NAA11: variants seen among roughly 807,000 people sequenced by gnomAD.
The protein encoded by NAA11 is N-alpha-acetyltransferase 11.
Under a neutral mutation model 16.1 loss-of-function variants are expected in NAA11, and 15 were observed. The observed-to-expected ratio is 0.93, with a 90% CI of 0.62 to 1.44. NAA11 has a LOEUF of 1.44. Among genes scored for constraint, NAA11 ranks in the 40% most tolerant of loss-of-function variants. The pLI, the probability that NAA11 is intolerant of heterozygous loss-of-function variation, is 0.00. For missense variants in NAA11, 298 were observed against 291.3 expected (o/e 1.02, Z -0.17); for synonymous variants, 122 against 112.4 (o/e 1.09, Z -0.54).
chr4:79,168,029 C>A, the NAA11 span, among the ~76,000 whole-genome samples: 5 of 151,666 alleles, frequency 3.3e-5, no homozygotes, highest in Admixed American at 3.3e-4. Context: ...TAGCCCCCTA[C>A]CCCCCAACAG....
intron 1 of NAA11, among the ~76,000 whole-genome samples, chr4:79,298,116 C>A (rs776698297): frequency 4.6e-5 from 7 of 152,158 alleles, no homozygotes; most frequent in Non-Finnish European, 8.8e-5. Flanking sequence ...GAGGTTCTAT[C>A]CTCTCTGCTA....
the NAA11 span, among the ~76,000 whole-genome samples, chr4:79,180,635 C>G: frequency 6.6e-6 from 1 of 152,316 alleles, no homozygotes; most frequent in East Asian, 1.9e-4. Flanking sequence ...GTTGGTGGGA[C>G]TGTAAACTAG....
At chr4:79,240,628 AT>A (rs573670420) in intron 2 of NAA11, among the ~76,000 whole-genome samples, 2 of 152,260 alleles carry the variant, frequency 1.3e-5, no homozygotes, top group East Asian at 3.9e-4. Context: ...AACAATAATG[AT>A]TCCATTGAAT....
At chr4:79,264,985 A>G (rs1289334226) in intron 2 of NAA11, among the ~76,000 whole-genome samples, 4 of 152,272 alleles carry the variant, frequency 2.6e-5, no homozygotes, top group Non-Finnish European at 5.9e-5. Flanking sequence ...TTTGAATATC[A>G]AATTGGCATT....
At chr4:79,180,974 A>G in the NAA11 span, among the ~76,000 whole-genome samples, 2 of 152,104 alleles carry the variant, frequency 1.3e-5, no homozygotes, top group Non-Finnish European at 2.9e-5. Flanking sequence ...GCAAACTATC[A>G]CAAGGACAAA....
At chr4:79,268,391 G>A (rs1289474019) in intron 2 of NAA11, among the ~76,000 whole-genome samples, 9 of 152,114 alleles carry the variant, frequency 5.9e-5, no homozygotes, top group African/African-American at 1.4e-4. Context: ...GTAAAGTTAC[G>A]AGAGGTCAAT....
downstream of NAA11, among the ~76,000 whole-genome samples, chr4:79,311,834 G>T (rs1194873050): frequency 6.6e-6 from 1 of 152,094 alleles, no homozygotes; most frequent in Non-Finnish European, 1.5e-5. Flanking sequence ...TAAAATTAAA[G>T]AACATGTATT....
In NAA11 at chr4:79,241,135, C is replaced by A. The variant is rs112966681; in HGVS notation, c.*123-14865G>T. 7.9e-5 allele frequency among the ~76,000 whole-genome samples: 12 copies of A among 152,266 alleles called. 1 individual carries two copies. The highest frequency in any genetic ancestry group is 2.4e-4 in the African/African-American group (10 of 41,562). On this transcript the variant is annotated intron_variant and NMD_transcript_variant, in intron 2 of 2. Coordinates refer to the NAA11 transcript ENST00000511542. Reference sequence around the variant, plus strand: ...TCTGCCACTGCCACCCCTGAGACAGCAAGACCAACCCCTCCTATTCCTCCT... The same window carrying A: ...TCTGCCACTGCCACCCCTGAGACAGAAAGACCAACCCCTCCTATTCCTCCT...
At chr4:79,188,027 A>G in the NAA11 span, among the ~76,000 whole-genome samples, 3 of 150,342 alleles carry the variant, frequency 2.0e-5, no homozygotes, top group Non-Finnish European at 4.4e-5. Context: ...AAAAAAAGAA[A>G]TACTTGTGAG....
the NAA11 span, among the ~76,000 whole-genome samples, chr4:79,162,326 C>T: frequency 2.2e-4 from 34 of 152,128 alleles, 1 homozygote; most frequent in South Asian, 1.7e-3. Flanking sequence ...TGTTGAATCC[C>T]GGAGAACTAA....
At chr4:79,179,136 T>G in the NAA11 span, among the ~76,000 whole-genome samples, 3 of 152,222 alleles carry the variant, frequency 2.0e-5, no homozygotes, top group Non-Finnish European at 4.4e-5. Flanking sequence ...GCTCATGCTA[T>G]TTATTTCATG....
chr4:79,182,016 T>C, the NAA11 span, among the ~76,000 whole-genome samples: 1 of 152,212 alleles, frequency 6.6e-6, no homozygotes, highest in Non-Finnish European at 1.5e-5. Flanking sequence ...ACAAGCTAGA[T>C]AATATTCCAA....
At chr4:79,174,594 G>A in the NAA11 span, among the ~76,000 whole-genome samples, 1 of 152,082 alleles carries the variant, frequency 6.6e-6, no homozygotes, top group Non-Finnish European at 1.5e-5. Context: ...ACTATTTCAG[G>A]AGCAAAATTA....
At chr4:79,193,972 T>C in the NAA11 span, among the ~76,000 whole-genome samples, 3 of 152,190 alleles carry the variant, frequency 2.0e-5, no homozygotes, top group African/African-American at 7.2e-5. Context: ...CTAGGTATTT[T>C]ATTCTCTTTG....
At chr4:79,219,125 T>C in the NAA11 span, among the ~76,000 whole-genome samples, 27 of 152,316 alleles carry the variant, frequency 1.8e-4, no homozygotes, top group African/African-American at 5.3e-4. Flanking sequence ...TTGATTTGAC[T>C]TTAAATTGAA....
chr4:79,303,076 T>TTATATATATATATATATATATATATA (rs59261096), intron 1 of NAA11, among the ~76,000 whole-genome samples: 1 of 67,524 alleles, frequency 1.5e-5, no homozygotes, highest in African/African-American at 5.9e-5. Context: ...TTGAGGCCTT[T>TTATATATATATATATATATATATATA]TATATATATA....
chr4:79,246,376 C>CAAAAAAAAAAA, intron 2 of NAA11, among the ~76,000 whole-genome samples: 2 of 114,184 alleles, frequency 1.8e-5, no homozygotes, highest in South Asian at 2.7e-4. Context: ...TCAATAAATA[C>CAAAAAAAAAAA]TAAAAAAAAA....
chr4:79,177,486 A>G, the NAA11 span, among the ~76,000 whole-genome samples: 1 of 152,004 alleles, frequency 6.6e-6, no homozygotes, highest in Admixed American at 6.6e-5. Flanking sequence ...ATGTCCTTTC[A>G]TGCATCAGTT....
the NAA11 span, among the ~76,000 whole-genome samples, chr4:79,181,167 A>T: frequency 6.6e-6 from 1 of 151,952 alleles, no homozygotes; most frequent in East Asian, 1.9e-4. Context: ...AACATGGCAC[A>T]TGTATACATA....
Sources: gnomAD v4.1 joint callset for allele counts (sites outside exome capture counted in the v4.1 genomes callset) on GRCh38, gnomAD v4.1.1 for gene constraint, MANE v1.5 for transcripts, NCBI Gene and HGNC (gene_info 2026-07-23, HGNC 2026-07-21) for gene names.